DNAJB6: variants seen among roughly 807,000 people sequenced by gnomAD.
The protein encoded by DNAJB6 is dnaJ homolog subfamily B member 6.
In DNAJB6, 16 loss-of-function variants were observed where a neutral mutation model predicts 42.7. The ratio of observed to expected loss-of-function variants is 0.37; its 90% CI spans 0.25 to 0.57. The LOEUF is 0.57. Ranked by LOEUF, DNAJB6 falls within the 20% of genes least tolerant of loss-of-function variation. The pLI is 0.74. For synonymous variants in DNAJB6, 170 were observed against 163.5 expected (o/e 1.04, Z -0.30); for missense variants, 347 against 416.8 (o/e 0.83, Z 1.46).
At chr7:157,398,764 T>C (rs1801715715) in intron 8 of DNAJB6, among the ~76,000 whole-genome samples, 1 of 152,240 alleles carries the variant, frequency 6.6e-6, no homozygotes. Flanking sequence ...TAGTAATTTA[T>C]AAGGTTTAAT....
chr7:157,378,421 C>T (rs1800580556), intron 5 of DNAJB6: 1 of 152,204 alleles, frequency 6.6e-6, no homozygotes, highest in South Asian at 2.1e-4. Context: ...CCCCTCCACC[C>T]CAGTTGGAGC....
At chr7:157,345,138 C>T (rs1190012739) in intron 1 of DNAJB6, among the ~76,000 whole-genome samples, 5 of 151,866 alleles carry the variant, frequency 3.3e-5, no homozygotes, top group South Asian at 2.1e-4. Context: ...GGATTACAGG[C>T]GCCCGCCACC....
chr7:157,367,236 A>G (rs778024590), intron 4 of DNAJB6, 137 bp from the exon 5 acceptor site: 10 of 632,698 alleles, frequency 1.6e-5, no homozygotes, highest in Non-Finnish European at 2.8e-5. Context: ...CATGTTTTGA[A>G]TTATAGAGAA....
chr7:157,360,397 C>T (rs1799521287), intron 2 of DNAJB6, among the ~76,000 whole-genome samples: 1 of 152,162 alleles, frequency 6.6e-6, no homozygotes, highest in Non-Finnish European at 1.5e-5. Context: ...GGAGTTACAA[C>T]TCAAGTTGAG....
chr7:157,395,679 C>T (rs922798044), intron 8 of DNAJB6, among the ~76,000 whole-genome samples: 33 of 142,042 alleles, frequency 2.3e-4, no homozygotes, highest in East Asian at 6.3e-4. Flanking sequence ...TACGTTTTTT[C>T]TTTTCTTTTT....
intron 8 of DNAJB6, among the ~76,000 whole-genome samples, chr7:157,408,298 C>T (rs895211920): frequency 1.3e-5 from 2 of 152,200 alleles, no homozygotes; most frequent in African/African-American, 2.4e-5. Context: ...CCCAAAATCA[C>T]GTTTCTGTGT....
chr7:157,401,772 G>A (rs1251269517), intron 8 of DNAJB6, among the ~76,000 whole-genome samples: 2 of 152,226 alleles, frequency 1.3e-5, no homozygotes, highest in Non-Finnish European at 2.9e-5. Flanking sequence ...ACAGAGGTGG[G>A]AACAGGACCG....
At chr7:157,389,353 G>C (rs1424097469) in intron 8 of DNAJB6, among the ~76,000 whole-genome samples, 2 of 152,168 alleles carry the variant, frequency 1.3e-5, no homozygotes, top group Non-Finnish European at 2.9e-5. Flanking sequence ...TTATTGATTG[G>C]CAGCAGTGTT....
At chr7:157,387,167 T>C (rs1801107269) in intron 8 of DNAJB6, among the ~76,000 whole-genome samples, 2 of 152,178 alleles carry the variant, frequency 1.3e-5, no homozygotes. Flanking sequence ...TCACGTGCTG[T>C]TACTGAAAAT....
intron 1 of DNAJB6, among the ~76,000 whole-genome samples, chr7:157,341,558 T>G (rs1430478426): frequency 1.3e-5 from 2 of 152,194 alleles, no homozygotes; most frequent in Non-Finnish European, 2.9e-5. Context: ...AAATTAAAAG[T>G]GTGTTTTATA....
intron 5 of DNAJB6, among the ~76,000 whole-genome samples, chr7:157,376,270 A>G (rs1800466107): frequency 6.6e-6 from 1 of 151,986 alleles, no homozygotes; most frequent in Non-Finnish European, 1.5e-5. Context: ...CATTGTATAT[A>G]TATATTTTTT....
intron 3 of DNAJB6, among the ~76,000 whole-genome samples, chr7:157,364,397 C>G (rs1272828640): frequency 6.6e-6 from 1 of 152,110 alleles, no homozygotes; most frequent in Non-Finnish European, 1.5e-5. Context: ...TTGAAGTCTT[C>G]TTGAAATGTG....
intron 5 of DNAJB6, among the ~76,000 whole-genome samples, chr7:157,377,954 C>T (rs112887535): frequency 1.8e-4 from 27 of 152,304 alleles, no homozygotes; most frequent in Non-Finnish European, 2.8e-4. Context: ...GCGCAGGTCA[C>T]GTTCTCCTGT....
At chr7:157,406,067 G>A (rs1354084873) in intron 8 of DNAJB6, among the ~76,000 whole-genome samples, 1 of 152,226 alleles carries the variant, frequency 6.6e-6, no homozygotes, top group Admixed American at 6.5e-5. Context: ...TGAACAGATA[G>A]AACCATCGAG....
At chr7:157,345,403 C>A (rs1798631554) in intron 1 of DNAJB6, among the ~76,000 whole-genome samples, 1 of 152,258 alleles carries the variant, frequency 6.6e-6, no homozygotes, top group Non-Finnish European at 1.5e-5. Flanking sequence ...CATCCTTGAT[C>A]TCTTGCGCTC....
intron 8 of DNAJB6, among the ~76,000 whole-genome samples, chr7:157,407,219 C>T (rs1795805009): frequency 6.6e-6 from 1 of 152,244 alleles, no homozygotes; most frequent in African/African-American, 2.4e-5. Flanking sequence ...CATTTTCCCT[C>T]CGCGTGGAGT....
intron 8 of DNAJB6, among the ~76,000 whole-genome samples, chr7:157,408,629 C>A (rs574481691): frequency 3.9e-5 from 6 of 152,222 alleles, no homozygotes; most frequent in African/African-American, 1.4e-4. Flanking sequence ...CCTCGGAGCC[C>A]GTTCTCTCTG....
At chr7:157,410,699 T>C (rs139605655) in intron 9 of DNAJB6, 1 of 151,452 alleles carries the variant, frequency 6.6e-6, no homozygotes, top group African/African-American at 2.5e-5. Context: ...CTCTTCTGGT[T>C]CTTATCACCG....
Position 157,358,743 on chromosome 7 carries a change from A to G in DNAJB6, c.65+106A>G. 4 of 873,218 alleles carry G rather than the reference A, an allele frequency of 4.6e-6. No homozygotes were observed. In the South Asian group the frequency reaches 5.9e-5, roughly 13 times the overall value. 54.1% of individuals were successfully genotyped at this position (873,218 alleles called of 1,614,324 possible). ...ATGAAAATGGCTTTTAATGTAGTAT[A>G]CCAGTCTTTGAATGCCACATAGTTT... On this transcript the variant is annotated intron_variant, in intron 2 of 9. Coordinates refer to ENST00000262177, the MANE Select transcript of DNAJB6 (RefSeq NM_058246.4).
Sources: gnomAD v4.1 joint callset for allele counts (sites outside exome capture counted in the v4.1 genomes callset) on GRCh38, gnomAD v4.1.1 for gene constraint, MANE v1.5 for transcripts, NCBI Gene and HGNC (gene_info 2026-07-23, HGNC 2026-07-21) for gene names.